The following KCNH6 variants were observed in gnomAD, a reference collection of about 807,000 sequenced individuals.
The protein encoded by KCNH6 is potassium voltage-gated channel subfamily H member 6, also known as voltage-gated inwardly rectifying potassium channel KCNH6.
KCNH6 carries 81 observed loss-of-function variants against 83.4 expected under a neutral mutation model. That is an observed-to-expected ratio of 0.97 (90% CI 0.81 to 1.17). KCNH6 has a LOEUF of 1.17. KCNH6 is among the 50% of genes most tolerant of loss of function. The probability of loss-of-function intolerance (pLI) is 0.00; values close to 1 mark genes in which losing one functional copy is unlikely to be tolerated. For synonymous variants in KCNH6, 503 were observed against 545.6 expected (o/e 0.92, Z 1.09); for missense variants, 1,203 against 1,290.5 (o/e 0.93, Z 1.04).
Position 63,538,119 on chromosome 17 carries a change from ACTCGGGCACCGC to A in KCNH6, c.1557_1568del (p.Tyr519_Ala523delinsTer). The A allele has an allele frequency of 6.2e-7, 1 of 1,614,016 alleles. No homozygotes were observed. Among genetic ancestry groups the A allele is most frequent in the Non-Finnish European group, 8.5e-7 (1 of 1,180,012 alleles). On this transcript the variant is annotated stop_gained and inframe_deletion, in exon 7 of 13. Coordinates refer to ENST00000314672, the MANE Select transcript of KCNH6 (RefSeq NM_001278919.2). LOFTEE classifies it high-confidence loss of function. The surrounding 1 kb of genome is among the most constrained non-coding windows in gnomAD (Gnocchi z 4.0). ...GTGTCCGCGATCATCCAGCGCCTGTACTCGGGCACCGCGCGCTACCACACGCAGATGCTGCGT... is the reference window on the plus strand; with the variant it reads ...GTGTCCGCGATCATCCAGCGCCTGTAGCGCTACCACACGCAGATGCTGCGT...
intron 10 of KCNH6, 54 bp from the exon 11 acceptor site, chr17:63,544,195 T>G (rs771768035): frequency 2.6e-5 from 42 of 1,602,198 alleles, no homozygotes; most frequent in Non-Finnish European, 3.5e-5. Context: ...TTGAGAAGGG[T>G]CAGGCCTGTG....
In KCNH6 at chr17:63,524,366, G is replaced by A; in HGVS notation, c.304G>A (p.Asp102Asn). 1 of 1,612,782 alleles carries A rather than the reference G, an allele frequency of 6.2e-7. No homozygotes were observed. The highest frequency in any genetic ancestry group is 1.1e-5 in the South Asian group (1 of 91,048). Residue 102 changes from aspartate to asparagine, a missense_variant, in exon 2 of 13, where the codon GAT becomes AAT. Transcript: ENST00000314672. ...CKVDILYYRK[D>N]ASSFRCLVDV... ...GGTGGACATCCTCTACTACCGCAAG[G>A]ATGGTGAGGCATACTCAGGCCAGAG... is the stretch of plus-strand genomic sequence containing the variant.
chr17:63,530,595 C>G (rs1042154743), intron 4 of KCNH6, 53 bp downstream of exon 4: 53 of 1,548,792 alleles, frequency 3.4e-5, no homozygotes, highest in Non-Finnish European at 4.5e-5. Flanking sequence ...TCCAGGGTCC[C>G]CTCCCAGGCT....
At position 63,543,975 on chromosome 17, in the gene KCNH6, G is replaced by T. The variant is rs1175226696; in HGVS notation, c.2234-274G>T. 9.3e-6 allele frequency: 11 copies of T among 1,185,562 alleles called. No homozygotes were observed. The African/African-American group carries it at 1.7e-4, about 18-fold the overall frequency. The allele number at this position is 1,185,562 out of a possible 1,614,324, so 73.4% of individuals were successfully genotyped here. A position where few individuals can be genotyped will look rare whatever the true frequency, so the allele number is the denominator to read the frequency against. ...GGGCCACTGGGCTGCAGCTCCCTGG[G>T]CAGTGAAACCAGTGCTAAAAGTCCT... is the stretch of plus-strand genomic sequence containing the variant. On this transcript the variant is annotated intron_variant, in intron 10 of 12. Transcript: ENST00000314672.
chr17:63,527,594 G>A (rs1157789839), intron 2 of KCNH6, among the ~76,000 whole-genome samples: 2 of 152,198 alleles, frequency 1.3e-5, no homozygotes, highest in African/African-American at 2.4e-5. Context: ...CCCTTGGTCA[G>A]AAAGGTGGGT....
In KCNH6 at chr17:63,543,631, A is replaced by T; in HGVS notation, c.2204A>T (p.Gln735Leu). The change falls in exon 10 of 13, where the codon CAA (glutamine) becomes CTA (leucine). Residue 735 changes from glutamine to leucine, a missense_variant. Gln to Leu is a moderately radical substitution (Grantham distance 113). Coordinates refer to ENST00000314672, the MANE Select transcript of KCNH6 (RefSeq NM_001278919.2). ...CAGGCTCCTGGCAGCCAAGACCACC[A>T]AGGTTTCTTTCTCAGTGACAACCAG... ...PRQAPGSQDH[Q>L]GFFLSDNQSD... 1 of 1,612,802 alleles carries T rather than the reference A, an allele frequency of 6.2e-7. No homozygotes were observed. The highest frequency in any genetic ancestry group is 2.2e-5 in the East Asian group (1 of 44,848).
At chr17:63,548,241 G>A (rs1205744106), downstream of KCNH6, among the ~76,000 whole-genome samples, 1 of 152,066 alleles carries the variant, frequency 6.6e-6, no homozygotes, top group African/African-American at 2.4e-5. Flanking sequence ...ACTCCAGCGT[G>A]GGCAACAGAG....
chr17:63,537,876 G>C (rs1162507720), intron 6 of KCNH6, among the ~76,000 whole-genome samples, 189 bp from the exon 7 acceptor site: 1 of 152,246 alleles, frequency 6.6e-6, no homozygotes, highest in African/African-American at 2.4e-5. Context: ...AGGACAGAGG[G>C]AGGAGGGCAG....
At chr17:63,548,478 G>A (rs2033189837), downstream of KCNH6, among the ~76,000 whole-genome samples, 1 of 152,166 alleles carries the variant, frequency 6.6e-6, no homozygotes, top group Admixed American at 6.5e-5. Flanking sequence ...CTGGATAACA[G>A]AGCAAGACCC....
In KCNH6 at chr17:63,534,290, CT is replaced by C; in HGVS notation, c.1082del (p.Phe361SerfsTer11). The C allele has an allele frequency of 6.2e-7, 1 of 1,613,488 alleles. No individual in the cohort carries two copies. Among genetic ancestry groups the C allele is most frequent in the Non-Finnish European group, 8.5e-7 (1 of 1,179,582 alleles). On this transcript the variant is annotated frameshift_variant, in exon 5 of 13. Transcript: ENST00000314672. LOFTEE classifies it high-confidence loss of function. This position sits in a 1 kb window ranked among gnomAD's most constrained non-coding sequence, Gnocchi z 5.0. ...CCGCCATCCCTTTCGACCTCCTGAT[CT>C]TCCGCACTGGCTCCGATGAGGTGAG... ...VAAIPFDLLIFRTGSDETTTL... is the reference protein window; with the variant it reads ...VAAIPFDLLIXRTGSDETTTL...
rs556359891 is a variant in KCNH6 at position 63,534,789 on chromosome 17, C to T, written c.1101+478C>T. On this transcript the variant is annotated intron_variant, in intron 5 of 12. Coordinates refer to ENST00000314672, the MANE Select transcript of KCNH6 (RefSeq NM_001278919.2). This position sits in a 1 kb window ranked among gnomAD's most constrained non-coding sequence, Gnocchi z 5.0. ...CCAGTCCCACGGTCTCCTCTTGCCC[C>T]CTCTCCTCACGATCAGCTTTTCACT... Among the ~76,000 whole-genome samples, 74 of 152,216 alleles carry T rather than the reference C, an allele frequency of 4.9e-4. No individual in the cohort carries two copies. The highest frequency in any genetic ancestry group is 1.6e-3 in the African/African-American group (67 of 41,536).
Position 63,546,060 on chromosome 17 carries a change from C to A in KCNH6, c.*158C>A. On this transcript the variant is annotated 3_prime_UTR_variant, in exon 13 of 13. Coordinates refer to ENST00000314672, the MANE Select transcript of KCNH6 (RefSeq NM_001278919.2). ...CCATCCTGGCTAACACGGTGAAACC[C>A]CACCTCTACTAAAATTAAAAAAGAA... The A allele has an allele frequency of 1.6e-6, 1 of 614,910 alleles. No homozygotes were observed. The highest frequency in any genetic ancestry group is 2.8e-6 in the Non-Finnish European group (1 of 359,356). 38.1% of individuals were successfully genotyped at this position (614,910 alleles called of 1,614,324 possible).
intron 2 of KCNH6, among the ~76,000 whole-genome samples, chr17:63,525,403 T>C (rs1309620971): frequency 6.6e-6 from 1 of 152,150 alleles, no homozygotes; most frequent in East Asian, 1.9e-4. Flanking sequence ...TGCCTTTGTG[T>C]TTACAGGCAG....
chr17:63,544,262 C>T lies in KCNH6; in HGVS notation c.2247C>T (p.Pro749=). Residue 749 remains proline (P), a synonymous_variant, in exon 11 of 13, where the codon CCC becomes CCT. Transcript: ENST00000314672. ...LSDNQSDAAP[P]LSISDASGLW... ...TCCCTCCTGCAGATGCAGCCCCTCC[C>T]CTGAGCATCTCAGATGCATCTGGCC... The T allele has an allele frequency of 3.1e-6, 5 of 1,588,674 alleles. No homozygotes were observed. Among genetic ancestry groups the T allele is most frequent in the Non-Finnish European group, 4.3e-6 (5 of 1,165,878 alleles).
intron 11 of KCNH6, among the ~76,000 whole-genome samples, 195 bp downstream of exon 11, chr17:63,544,606 T>C (rs1308108795): frequency 6.6e-6 from 1 of 151,962 alleles, no homozygotes; most frequent in Non-Finnish European, 1.5e-5. Flanking sequence ...AGGGAGCTTC[T>C]CGGGGGAGGG....
At chr17:63,539,925 C>T (rs2032761857) in intron 8 of KCNH6, among the ~76,000 whole-genome samples, 1 of 152,178 alleles carries the variant, frequency 6.6e-6, no homozygotes, top group Admixed American at 6.5e-5. Context: ...CCCAGTTATC[C>T]CAATCCGACC....
chr17:63,527,383 T>C (rs1206939797), intron 2 of KCNH6, among the ~76,000 whole-genome samples: 1 of 152,048 alleles, frequency 6.6e-6, no homozygotes, highest in East Asian at 1.9e-4. Flanking sequence ...GGATGGGGTG[T>C]GCATCGGGAG....
Position 63,535,552 on chromosome 17 carries a change from T to C in KCNH6, c.1102-117T>C. ...CAAGTGCGTGGCCCGGAGGAAGTTC[T>C]CCATAAATGTTTGTTGAATGAGTAT... On this transcript the variant is annotated intron_variant, in intron 5 of 12. Transcript: ENST00000314672. This position sits in a 1 kb window ranked among gnomAD's most constrained non-coding sequence, Gnocchi z 4.9. 1 of 987,822 alleles carries C rather than the reference T, an allele frequency of 1.0e-6. No individual in the cohort carries two copies. The highest frequency in any genetic ancestry group is 1.6e-5 in the South Asian group (1 of 62,504). The allele number at this position is 987,822 out of a possible 1,614,324, so 61.2% of individuals were successfully genotyped here. A position where few individuals can be genotyped will look rare whatever the true frequency, so the allele number is the denominator to read the frequency against.
Position 63,533,757 on chromosome 17 carries a change from C to T in KCNH6, c.676-129C>T. ...ACCCCCCACCCCATCTCTCCCTCATCCCCTCTGCCCACCAGAGCCGTGGTC... is the reference window on the plus strand; with the variant it reads ...ACCCCCCACCCCATCTCTCCCTCATTCCCTCTGCCCACCAGAGCCGTGGTC... On this transcript the variant is annotated intron_variant, in intron 4 of 12. Transcript: ENST00000314672. The surrounding 1 kb of genome is among the most constrained non-coding windows in gnomAD (Gnocchi z 4.1). The T allele has an allele frequency of 1.3e-6, 1 of 747,542 alleles. No individual in the cohort carries two copies. Among genetic ancestry groups the T allele is most frequent in the East Asian group, 2.6e-5 (1 of 38,276 alleles). The allele number at this position is 747,542 out of a possible 1,614,324, so 46.3% of individuals were successfully genotyped here. A position where few individuals can be genotyped will look rare whatever the true frequency, so the allele number is the denominator to read the frequency against.
Sources: allele counts gnomAD v4.1 joint callset (sites outside exome capture counted in the v4.1 genomes callset), GRCh38; gene constraint gnomAD v4.1.1; non-coding constraint Gnocchi (gnomAD v3.1); transcripts MANE v1.5; gene names NCBI Gene and HGNC (gene_info 2026-07-23, HGNC 2026-07-21).